The following GOLPH3 variants were observed in gnomAD, a reference collection of about 807,000 sequenced individuals.
The protein encoded by GOLPH3 is coat protein GPP34.
In GOLPH3, 14 loss-of-function variants were observed where a neutral mutation model predicts 28.5. The observed-to-expected ratio is 0.49, with a 90% confidence interval of 0.32 to 0.77. GOLPH3 has a LOEUF of 0.77. Among genes scored for constraint, GOLPH3 ranks in the 30% least tolerant of loss-of-function variants. The probability of loss-of-function intolerance (pLI) is 0.03; values close to 1 mark genes in which losing one functional copy is unlikely to be tolerated. For missense variants in GOLPH3, 350 were observed against 393.7 expected, an observed-to-expected ratio of 0.89 and a Z score of 0.94; for synonymous variants, 158 against 159.2, an observed-to-expected ratio of 0.99 and a Z score of 0.06.
intron 3 of GOLPH3, among the ~76,000 whole-genome samples, chr5:32,134,574 AGCTACT>A (rs1745894311): frequency 1.3e-5 from 2 of 151,672 alleles, no homozygotes; most frequent in Admixed American, 1.3e-4. Context: ...CTGTAGTCTT[AGCTACT>A]CCAGAGGCTG....
At chr5:32,135,729 T>C in intron 2 of GOLPH3, 43 bp from the exon 3 acceptor site, 1 of 1,127,246 alleles carries the variant, frequency 8.9e-7, no homozygotes, top group Non-Finnish European at 1.3e-6. Flanking sequence ...ACGAATGCCT[T>C]TTCTGAGTTG....
chr5:32,159,836 C>T (rs1408831733), intron 1 of GOLPH3, among the ~76,000 whole-genome samples: 1 of 152,178 alleles, frequency 6.6e-6, no homozygotes, highest in Non-Finnish European at 1.5e-5. Flanking sequence ...TACATTCACA[C>T]TCTAGAGCAG....
Position 32,158,007 on chromosome 5 carries a change from AAAT to A in GOLPH3, c.226-14130_226-14128del, listed in dbSNP as rs1203155722. Among the ~76,000 whole-genome samples, 840 of 93,824 alleles carry A rather than the reference AAAT, an allele frequency of 9.0e-3. 89 individuals carry two copies. Among genetic ancestry groups the A allele is most frequent in the African/African-American group, 0.037 (766 of 20,792 alleles). 61.6% of individuals were successfully genotyped at this position (93,824 alleles called of 152,430 possible). A position where few individuals can be genotyped will look rare whatever the true frequency, so the allele number is the denominator to read the frequency against. On this transcript the variant is annotated intron_variant, in intron 1 of 3. Transcript: ENST00000265070. ...TAAATAAATAAATAAATAAATAAAT[AAAT>A]AAATAAATAAAATACACACACACAC... is the stretch of plus-strand genomic sequence containing the variant.
At chr5:32,145,428 G>A (rs144198316) in intron 1 of GOLPH3, among the ~76,000 whole-genome samples, 49 of 152,300 alleles carry the variant, frequency 3.2e-4, no homozygotes, top group Non-Finnish European at 7.4e-5. Flanking sequence ...GGTAAAATGC[G>A]TGGCTTCTGT....
At chr5:32,131,776 G>C (rs1745830090) in intron 3 of GOLPH3, among the ~76,000 whole-genome samples, 1 of 152,226 alleles carries the variant, frequency 6.6e-6, no homozygotes, top group African/African-American at 2.4e-5. Flanking sequence ...GGTGGAGAAT[G>C]ACATGCTGAC....
intron 3 of GOLPH3, among the ~76,000 whole-genome samples, chr5:32,129,118 G>A (rs1249972792): frequency 3.9e-5 from 6 of 152,090 alleles, no homozygotes; most frequent in African/African-American, 1.4e-4. Context: ...GGAGGCGGAG[G>A]TTGCAGTGAG....
chr5:32,129,772 A>G (rs1206392681), intron 3 of GOLPH3, among the ~76,000 whole-genome samples: 1 of 152,202 alleles, frequency 6.6e-6, no homozygotes, highest in East Asian at 1.9e-4. Context: ...AAGAAACAAC[A>G]AAGTACATAG....
At chr5:32,169,109 T>C (rs559046466) in intron 1 of GOLPH3, among the ~76,000 whole-genome samples, 54 of 151,974 alleles carry the variant, frequency 3.6e-4, no homozygotes, top group African/African-American at 1.3e-3. Context: ...TCCCTGTCTT[T>C]ATAAAAAAAA....
chr5:32,170,186 G>C (rs961531269), intron 1 of GOLPH3, among the ~76,000 whole-genome samples: 1 of 152,150 alleles, frequency 6.6e-6, no homozygotes, highest in African/African-American at 2.4e-5. Context: ...CGATATGGAT[G>C]AATCTCACAT....
intron 3 of GOLPH3, among the ~76,000 whole-genome samples, chr5:32,128,960 G>A (rs887117273): frequency 7.2e-5 from 11 of 152,178 alleles, no homozygotes; most frequent in Admixed American, 5.2e-4. Flanking sequence ...CAGGCATGGC[G>A]GGTTACGCTT....
intron 2 of GOLPH3, among the ~76,000 whole-genome samples, chr5:32,137,900 G>GTTT (rs1249876195): frequency 1.4e-4 from 1 of 7,356 alleles, no homozygotes; most frequent in Non-Finnish European, 2.4e-4. Flanking sequence ...TAACATTACG[G>GTTT]TTTTTTTTGT....
In GOLPH3 at chr5:32,173,898, T is replaced by A; in HGVS notation, c.137A>T (p.Glu46Val). The A allele has an allele frequency of 6.6e-7, 1 of 1,519,420 alleles. No individual in the cohort carries two copies. Among genetic ancestry groups the A allele is most frequent in the Non-Finnish European group, 8.8e-7 (1 of 1,137,026 alleles). The allele number at this position is 1,519,420 out of a possible 1,614,324, so 94.1% of individuals were successfully genotyped here. ...GTCGCCCTTGTCGTCGTCGTCCTGC[T>A]CGTCGCGGCGGCTCTGCGCGTCGTC... ...SEDDAQSRRDEQDDDDKGDSK... is the reference protein window; with the variant it reads ...SEDDAQSRRDVQDDDDKGDSK... The change falls in exon 1 of 4, where the codon GAG becomes GTG. Residue 46 changes from glutamate (E) to valine (V), a missense_variant. Glu to Val is a moderately radical substitution (Grantham distance 121). Transcript: ENST00000265070.
chr5:32,171,170 A>G (rs1435564220), intron 1 of GOLPH3, among the ~76,000 whole-genome samples: 3 of 152,196 alleles, frequency 2.0e-5, no homozygotes, highest in African/African-American at 7.2e-5. Context: ...GCTTCACCTT[A>G]AACATTTAGA....
intron 1 of GOLPH3, among the ~76,000 whole-genome samples, chr5:32,149,855 G>C (rs754031825): frequency 6.6e-6 from 1 of 152,134 alleles, no homozygotes; most frequent in Non-Finnish European, 1.5e-5. Context: ...AAATTAGCCA[G>C]GTGTGGTGGC....
Position 32,173,810 on chromosome 5 carries a change from C to G in GOLPH3, c.225G>C (p.Glu75Asp). ...EVLLLGLKDR[E>D]GYTSFWNDCI... Reference sequence around the variant, plus strand: ...CCCGCCCAGCCCGCCGCGCCCGCACCTCGCGGTCCTTGAGGCCCAGCAGGA... The same window carrying G: ...CCCGCCCAGCCCGCCGCGCCCGCACGTCGCGGTCCTTGAGGCCCAGCAGGA... The change falls in exon 1 of 4, where the codon GAG becomes GAC. Residue 75 changes from glutamate to aspartate, a missense_variant and splice_region_variant. By Grantham distance (45) the Glu-to-Asp change is conservative. Transcript: ENST00000265070. 2 of 1,440,698 alleles carry G rather than the reference C, an allele frequency of 1.4e-6. No individual in the cohort carries two copies. The highest frequency in any genetic ancestry group is 3.0e-5 in the South Asian group (2 of 66,720). The allele number at this position is 1,440,698 out of a possible 1,614,324, so 89.2% of individuals were successfully genotyped here.
At chr5:32,166,029 A>G (rs1325812605) in intron 1 of GOLPH3, among the ~76,000 whole-genome samples, 1 of 152,242 alleles carries the variant, frequency 6.6e-6, no homozygotes, top group African/African-American at 2.4e-5. Context: ...TTCCTGATTC[A>G]CTAAATGCTT....
intron 1 of GOLPH3, among the ~76,000 whole-genome samples, chr5:32,163,192 G>C (rs1426665793): frequency 1.3e-5 from 2 of 152,192 alleles, no homozygotes; most frequent in Non-Finnish European, 2.9e-5. Context: ...TAGGTGTCAA[G>C]AACACAGCAG....
chr5:32,127,669 C>A lies in GOLPH3; in HGVS notation c.473-1033G>T, dbSNP rs189800615. ...ATCAAAGAAAGTTCTAGCGGACTAT[C>A]TTAAAATTTTAAGTTGCTGTCTTAA... On this transcript the variant is annotated intron_variant, in intron 3 of 3. Transcript: ENST00000265070. 1.7e-3 allele frequency among the ~76,000 whole-genome samples: 252 copies of A among 152,306 alleles called. 1 individual carries two copies. The highest frequency in any genetic ancestry group is 0.014 in the South Asian group (66 of 4,818).
chr5:32,162,941 G>A (rs1224971370), intron 1 of GOLPH3, among the ~76,000 whole-genome samples: 1 of 152,194 alleles, frequency 6.6e-6, no homozygotes, highest in Non-Finnish European at 1.5e-5. Context: ...AGCCGGGTGT[G>A]GTGGCAGGCG....
Sources: allele counts gnomAD v4.1 joint callset (sites outside exome capture counted in the v4.1 genomes callset), GRCh38; gene constraint gnomAD v4.1.1; transcripts MANE v1.5; gene names NCBI Gene and HGNC (gene_info 2026-07-23, HGNC 2026-07-21).